DNAH14: variants seen among roughly 807,000 people sequenced by gnomAD.
DNAH14 encodes the protein dynein axonemal heavy chain 14.
Under a neutral mutation model 520.9 loss-of-function variants are expected in DNAH14, and 478 were observed. The observed-to-expected ratio is 0.92, with a 90% confidence interval of 0.85 to 0.99. The LOEUF (loss-of-function observed/expected upper bound fraction) is 0.99. Among genes scored for constraint, DNAH14 ranks in the 50% least tolerant of loss-of-function variants. The pLI, the probability that DNAH14 is intolerant of heterozygous loss-of-function variation, is 0.00. For missense variants in DNAH14, 4,831 were observed against 5,234.5 expected, an observed-to-expected ratio of 0.92 and a Z score of 2.38; for synonymous variants, 1,581 against 1,757.2, an observed-to-expected ratio of 0.90 and a Z score of 2.51.
At chr1:224,974,972 T>C (rs2125651642) in intron 8 of DNAH14, among the ~76,000 whole-genome samples, 1 of 152,206 alleles carries the variant, frequency 6.6e-6, no homozygotes, top group East Asian at 1.9e-4. Context: ...TTTCTGCATC[T>C]ATTGAGATAA....
At chr1:225,066,864 T>C (rs779827796) in intron 17 of DNAH14, among the ~76,000 whole-genome samples, 1 of 152,152 alleles carries the variant, frequency 6.6e-6, no homozygotes, top group Non-Finnish European at 1.5e-5. Flanking sequence ...TTCCATGGTG[T>C]GTGTATACCA....
At chr1:225,337,976 C>G in intron 67 of DNAH14, 85 bp from the exon 68 acceptor site, 3 of 1,372,442 alleles carry the variant, frequency 2.2e-6, no homozygotes, top group Non-Finnish European at 2.9e-6. Context: ...CTAACTCAAC[C>G]TTTAAATGTT....
At chr1:225,070,335 G>A (rs1458232478) in intron 17 of DNAH14, among the ~76,000 whole-genome samples, 1 of 152,014 alleles carries the variant, frequency 6.6e-6, no homozygotes, top group Non-Finnish European at 1.5e-5. Flanking sequence ...TTTTTGATGT[G>A]GGCATTTAGT....
intron 44 of DNAH14, among the ~76,000 whole-genome samples, chr1:225,256,891 C>T (rs956414460): frequency 1.3e-5 from 2 of 151,634 alleles, no homozygotes; most frequent in African/African-American, 4.9e-5. Flanking sequence ...ACCAGGAGCC[C>T]ATTTGCTATT....
chr1:225,346,292 C>G lies in DNAH14; in HGVS notation c.11009C>G (p.Ser3670Ter). The change falls in exon 70 of 86, where the codon TCA becomes TGA. Residue 3670 changes from serine (S) to a stop codon, truncating the protein, a stop_gained. Coordinates refer to ENST00000682510, the MANE Select transcript of DNAH14 (RefSeq NM_001367479.1). LOFTEE classifies it high-confidence loss of function. ...PKEVHEFISI[S>*]KEPNLENEKN... ...GAAGTTCATGAGTTTATAAGTATTT[C>G]AAAAGAACCCAACCTGGAAAATGAG... The G allele has an allele frequency of 6.5e-7, 1 of 1,547,816 alleles. No homozygotes were observed. The highest frequency in any genetic ancestry group is 1.2e-5 in the South Asian group (1 of 83,340).
intron 54 of DNAH14, among the ~76,000 whole-genome samples, chr1:225,280,910 A>T (rs985223250): frequency 1.3e-5 from 2 of 152,222 alleles, no homozygotes; most frequent in African/African-American, 4.8e-5. Context: ...AAAATGAAAT[A>T]AAGATATTTC....
At chr1:225,294,873 G>A (rs1000552381) in intron 55 of DNAH14, among the ~76,000 whole-genome samples, 2 of 151,622 alleles carry the variant, frequency 1.3e-5, no homozygotes, top group Non-Finnish European at 2.9e-5. Context: ...ATCCAGTAGT[G>A]GATTTTTTGT....
chr1:225,303,295 T>C lies in DNAH14; in HGVS notation c.8771T>C (p.Leu2924Pro), dbSNP rs2094174730. 6.4e-7 allele frequency: 1 copy of C among 1,551,058 alleles called. No individual in the cohort carries two copies. Among genetic ancestry groups the C allele is most frequent in the Non-Finnish European group, 8.7e-7 (1 of 1,146,746 alleles). Residue 2924 changes from leucine (L) to proline (P), a missense_variant, in exon 57 of 86, where the codon CTT becomes CCT. Physicochemically the swap from Leu to Pro is moderately conservative, Grantham distance 98. Coordinates refer to ENST00000682510, the MANE Select transcript of DNAH14 (RefSeq NM_001367479.1). ...WYERWPEEAL[L>P]IVANSFLKEK... ...GAGAGGTGGCCAGAAGAAGCTCTCCTTATTGTAGCTAACTCATTCTTAAAA... is the reference window on the plus strand; with the variant it reads ...GAGAGGTGGCCAGAAGAAGCTCTCCCTATTGTAGCTAACTCATTCTTAAAA...
rs201126249 is a variant in DNAH14, at chr1:225,361,878, C to CA, written c.11987+989dup. Among the ~76,000 whole-genome samples, 293 of 152,148 alleles carry CA rather than the reference C, an allele frequency of 1.9e-3. 4 individuals are homozygous for CA. The highest frequency in any genetic ancestry group is 0.013 in the East Asian group (69 of 5,180). On this transcript the variant is annotated intron_variant, in intron 75 of 85. Transcript: ENST00000682510. ...TACAACAATCAATCAATCAATCAAT[C>CA]AATACTATTATATAATTTCTCTTTT...
At chr1:225,266,313 T>C (rs1181362672) in intron 48 of DNAH14, among the ~76,000 whole-genome samples, 1 of 152,154 alleles carries the variant, frequency 6.6e-6, no homozygotes, top group Non-Finnish European at 1.5e-5. Context: ...ATAGCCATGT[T>C]CCTGTGTAAT....
chr1:224,955,110 G>T lies in DNAH14; in HGVS notation c.217+12G>T. On this transcript the variant is annotated intron_variant, in intron 3 of 85. Transcript: ENST00000682510. ...AGAGAAAACAGAAGGTATTTATCAA[G>T]ATTACTATTCTGGCATGTTGATTTA... The T allele has an allele frequency of 6.2e-7, 1 of 1,605,390 alleles. No individual in the cohort carries two copies. Among genetic ancestry groups the T allele is most frequent in the Non-Finnish European group, 8.5e-7 (1 of 1,176,538 alleles).
chr1:225,272,478 C>A (rs574945915), intron 51 of DNAH14, among the ~76,000 whole-genome samples: 2 of 152,288 alleles, frequency 1.3e-5, no homozygotes, highest in East Asian at 3.9e-4. Context: ...AAATAATTTT[C>A]AAAATTGAAA....
chr1:225,087,755 G>A (rs557852735), intron 21 of DNAH14, among the ~76,000 whole-genome samples: 23 of 152,254 alleles, frequency 1.5e-4, no homozygotes, highest in South Asian at 1.5e-3. Context: ...ATAAAGCTGC[G>A]GAGACAGAGA....
intron 28 of DNAH14, 45 bp downstream of exon 28, chr1:225,141,066 A>G (rs1182769977): frequency 1.4e-6 from 2 of 1,452,090 alleles, no homozygotes; most frequent in South Asian, 2.9e-5. Context: ...CTTCTCCCAA[A>G]TATATCTTTA....
intron 4 of DNAH14, among the ~76,000 whole-genome samples, chr1:224,962,466 C>G (rs1207465186): frequency 1.3e-5 from 2 of 152,178 alleles, no homozygotes. Flanking sequence ...GGCAAGAACC[C>G]TAAAGCTAGC....
At chr1:225,359,130 A>G (rs1004540445) in intron 74 of DNAH14, among the ~76,000 whole-genome samples, 1 of 152,236 alleles carries the variant, frequency 6.6e-6, no homozygotes, top group African/African-American at 2.4e-5. Context: ...TGTGTTTAAA[A>G]TATTTTCCTA....
chr1:225,335,515 A>G (rs1213016572), intron 66 of DNAH14, among the ~76,000 whole-genome samples: 1 of 143,154 alleles, frequency 7.0e-6, no homozygotes, highest in Admixed American at 6.8e-5. Context: ...ACATATACAT[A>G]TGTACATATA....
chr1:225,233,019 C>T (rs1306008048), intron 42 of DNAH14, among the ~76,000 whole-genome samples: 1 of 152,192 alleles, frequency 6.6e-6, no homozygotes, highest in African/African-American at 2.4e-5. Flanking sequence ...CATGTGTTCT[C>T]ATCCTTCAGC....
chr1:225,189,967 G>T (rs1243409520), intron 37 of DNAH14, among the ~76,000 whole-genome samples: 2 of 151,586 alleles, frequency 1.3e-5, no homozygotes, highest in Admixed American at 1.3e-4. Flanking sequence ...TTACCTGGGA[G>T]ATTGCAGTTA....
Sources: gnomAD v4.1 joint callset for allele counts (sites outside exome capture counted in the v4.1 genomes callset) on GRCh38, gnomAD v4.1.1 for gene constraint, MANE v1.5 for transcripts, NCBI Gene and HGNC (gene_info 2026-07-23, HGNC 2026-07-21) for gene names.